CDH17: variants seen among roughly 807,000 people sequenced by gnomAD.
CDH17 encodes the protein cadherin 17.
Under a neutral mutation model 86.3 loss-of-function variants are expected in CDH17, and 67 were observed. The ratio of observed to expected loss-of-function variants is 0.78; its 90% CI spans 0.64 to 0.95. The LOEUF is 0.95. CDH17 is among the 40% of genes least tolerant of loss of function. The pLI is 0.00. For missense variants in CDH17, 993 were observed against 1,017.6 expected, an observed-to-expected ratio of 0.98 and a Z score of 0.33; for synonymous variants, 367 against 366.4, an observed-to-expected ratio of 1.00 and a Z score of -0.02.
chr8:94,134,471 A>C (rs1812482470), intron 15 of CDH17, among the ~76,000 whole-genome samples: 1 of 152,158 alleles, frequency 6.6e-6, no homozygotes, highest in African/African-American at 2.4e-5. Context: ...CTCTGATTGT[A>C]GTTTGTATTT....
chr8:94,142,460 G>A (rs1403457640), intron 15 of CDH17, among the ~76,000 whole-genome samples: 1 of 152,180 alleles, frequency 6.6e-6, no homozygotes, highest in South Asian at 2.1e-4. Flanking sequence ...CAATGTTGGT[G>A]GTTGCTGAAG....
Position 94,173,837 on chromosome 8 carries a change from A to T in CDH17, c.743T>A (p.Val248Glu), listed in dbSNP as rs1447614402. ...IWKAPKPVEMVENSTDPHPIK... is the reference protein window; with the variant it reads ...IWKAPKPVEMEENSTDPHPIK... ...GGGGTGAGGATCAGTTGAGTTTTCCACCATCTCCACAGGTTTTGGTGCTTT... is the reference window on the plus strand; with the variant it reads ...GGGGTGAGGATCAGTTGAGTTTTCCTCCATCTCCACAGGTTTTGGTGCTTT... Residue 248 changes from valine to glutamate, a missense_variant, in exon 7 of 18, where the codon GTG becomes GAG. Coordinates refer to ENST00000027335, the MANE Select transcript of CDH17 (RefSeq NM_004063.4). The T allele has an allele frequency of 6.2e-7, 1 of 1,613,874 alleles. No individual in the cohort carries two copies. The highest frequency in any genetic ancestry group is 1.3e-5 in the African/African-American group (1 of 74,992).
At chr8:94,176,777 G>A (rs1451400694) in intron 4 of CDH17, 98 bp from the exon 5 acceptor site, 5 of 1,216,982 alleles carry the variant, frequency 4.1e-6, no homozygotes, top group Non-Finnish European at 5.8e-6. Context: ...AGAACCAATG[G>A]CCTGGTGACT....
chr8:94,136,872 C>T (rs954889901), intron 15 of CDH17, among the ~76,000 whole-genome samples: 8 of 152,200 alleles, frequency 5.3e-5, no homozygotes, highest in African/African-American at 1.9e-4. Flanking sequence ...TTCCTTCTAA[C>T]AGGTCCCTCA....
intron 15 of CDH17, among the ~76,000 whole-genome samples, chr8:94,132,377 G>A (rs550391297): frequency 3.9e-5 from 6 of 152,166 alleles, no homozygotes. Flanking sequence ...CTTCTAACTG[G>A]TGTGAGATGG....
intron 11 of CDH17, among the ~76,000 whole-genome samples, chr8:94,160,595 T>C (rs1183553545): frequency 6.6e-6 from 1 of 152,242 alleles, no homozygotes; most frequent in Admixed American, 6.5e-5. Context: ...ACAGCCTGAA[T>C]ATGAATTGTA....
intron 12 of CDH17, among the ~76,000 whole-genome samples, chr8:94,155,058 C>A (rs559726682): frequency 6.6e-6 from 1 of 151,756 alleles, no homozygotes. Context: ...TGTGAAGACT[C>A]GGGGTTGAGA....
At chr8:94,176,909 A>G (rs1813385295) in intron 4 of CDH17, among the ~76,000 whole-genome samples, 1 of 152,216 alleles carries the variant, frequency 6.6e-6, no homozygotes, top group Non-Finnish European at 1.5e-5. Flanking sequence ...GACACTGAAC[A>G]TGCATCTGTT....
At chr8:94,131,112 G>A in intron 15 of CDH17, 120 bp from the exon 16 acceptor site, 1 of 653,224 alleles carries the variant, frequency 1.5e-6, no homozygotes, top group Admixed American at 2.5e-5. Context: ...GAGTTAAACT[G>A]CCCAAAGTAT....
At chr8:94,160,377 T>C (rs192416979) in intron 11 of CDH17, among the ~76,000 whole-genome samples, 2 of 152,328 alleles carry the variant, frequency 1.3e-5, no homozygotes, top group African/African-American at 4.8e-5. Context: ...ACGCAATACC[T>C]CAGAGAGCTA....
At chr8:94,146,294 A>C (rs1812742871) in intron 14 of CDH17, 127 bp from the exon 15 acceptor site, 1 of 770,996 alleles carries the variant, frequency 1.3e-6, no homozygotes, top group Non-Finnish European at 1.9e-6. Flanking sequence ...ACAAGCTTTT[A>C]GAATCAAAGA....
chr8:94,143,185 A>G (rs1330842706), intron 15 of CDH17, among the ~76,000 whole-genome samples: 1 of 152,232 alleles, frequency 6.6e-6, no homozygotes, highest in Non-Finnish European at 1.5e-5. Flanking sequence ...ATGCTGTGTT[A>G]GCAGGCATGA....
At position 94,146,014 on chromosome 8, in the gene CDH17, T is replaced by G; in HGVS notation, c.2081A>C (p.Asp694Ala). Residue 694 changes from aspartate to alanine, a missense_variant, in exon 15 of 18, where the codon GAT (aspartate) becomes GCT (alanine). Asp to Ala is a moderately radical substitution (Grantham distance 126). Transcript: ENST00000027335. Reference protein sequence around the residue: ...GSLIFEATDDDQHLFRGPHFT... With the variant: ...GSLIFEATDDAQHLFRGPHFT... ...ATGGGGACCCCGAAATAAGTGCTGA[T>G]CATCATCAGTAGCCTCGAAAATGAG... is the stretch of plus-strand genomic sequence containing the variant. The G allele has an allele frequency of 6.2e-7, 1 of 1,613,890 alleles. No homozygotes were observed. The highest frequency in any genetic ancestry group is 8.5e-7 in the Non-Finnish European group (1 of 1,179,890).
chr8:94,136,094 CT>C (rs1248706792), intron 15 of CDH17, among the ~76,000 whole-genome samples: 1 of 152,142 alleles, frequency 6.6e-6, no homozygotes, highest in Non-Finnish European at 1.5e-5. Context: ...ACATTTTTCC[CT>C]TCATTTCAAC....
At chr8:94,158,701 A>G (rs2130615150) in intron 12 of CDH17, among the ~76,000 whole-genome samples, 1 of 152,286 alleles carries the variant, frequency 6.6e-6, no homozygotes, top group South Asian at 2.1e-4. Context: ...TCAGACTCAC[A>G]CACAAGGCTA....
At chr8:94,145,832 A>G in intron 15 of CDH17, 96 bp downstream of exon 15, 1 of 1,323,880 alleles carries the variant, frequency 7.6e-7, no homozygotes, top group East Asian at 2.3e-5. Context: ...AGCATGAAAG[A>G]AAGCTCTTTG....
At chr8:94,171,139 TA>T (rs1813261997) in intron 7 of CDH17, among the ~76,000 whole-genome samples, 154 bp from the exon 8 acceptor site, 1 of 152,192 alleles carries the variant, frequency 6.6e-6, no homozygotes, top group Non-Finnish European at 1.5e-5. Context: ...ACTTTTAACC[TA>T]AAATAAGCCT....
At chr8:94,188,074 T>A (rs1813615090) in intron 3 of CDH17, among the ~76,000 whole-genome samples, 2 of 152,118 alleles carry the variant, frequency 1.3e-5, no homozygotes, top group South Asian at 4.1e-4. Context: ...AATACAGTTG[T>A]CCCTTGGCAT....
At chr8:94,152,586 C>G (rs1812876805) in intron 12 of CDH17, among the ~76,000 whole-genome samples, 1 of 152,186 alleles carries the variant, frequency 6.6e-6, no homozygotes, top group African/African-American at 2.4e-5. Context: ...TTAATAGAGA[C>G]AGGGTTTCAC....
Sources: allele counts gnomAD v4.1 joint callset (sites outside exome capture counted in the v4.1 genomes callset), GRCh38; gene constraint gnomAD v4.1.1; transcripts MANE v1.5; gene names NCBI Gene and HGNC (gene_info 2026-07-23, HGNC 2026-07-21).